TDRP: variants seen among roughly 807,000 people sequenced by gnomAD.
TDRP encodes testis development related protein, also known as testis development-related protein.
TDRP carries 12 observed loss-of-function variants against 10.5 expected under a neutral mutation model. The observed-to-expected ratio is 1.15, with a 90% confidence interval of 0.73 to 1.86. The LOEUF is 1.86. Ranked by LOEUF, TDRP falls within the 40% of genes most tolerant of loss-of-function variation. The pLI, the probability that TDRP is intolerant of heterozygous loss-of-function variation, is 0.00. For missense variants in TDRP, 353 were observed against 229.2 expected (o/e 1.54, Z -3.49); for synonymous variants, 139 against 95.4 (o/e 1.46, Z -2.67).
rs1261532848 is a variant in TDRP, at chr8:544,735, C to A, written c.23G>T (p.Arg8Leu). Residue 8 changes from arginine (R) to leucine (L), a missense_variant, in exon 1 of 3, where the codon CGA becomes CTA. By Grantham distance (102) the Arg-to-Leu change is moderately radical (BLOSUM62 -2). Coordinates refer to ENST00000324079, the MANE Select transcript of TDRP (RefSeq NM_001384899.1). Reference protein sequence around the residue: MWKLGRGRVLLDEPPEEE... With the variant: MWKLGRGLVLLDEPPEEE... ...CTCGGGGGGCTCGTCCAGCAGCACT[C>A]GGCCCCGGCCCAGCTTCCACATGGT... 9.7e-6 allele frequency: 12 copies of A among 1,239,934 alleles called. No homozygotes were observed. Among genetic ancestry groups the A allele is most frequent in the Non-Finnish European group, 1.1e-5 (11 of 990,582 alleles). 76.8% of individuals were successfully genotyped at this position (1,239,934 alleles called of 1,614,324 possible). A position where few individuals can be genotyped will look rare whatever the true frequency, so the allele number is the denominator to read the frequency against.
At chr8:514,077 T>G (rs1318959478) in intron 1 of TDRP, among the ~76,000 whole-genome samples, 3 of 152,170 alleles carry the variant, frequency 2.0e-5, no homozygotes, top group African/African-American at 7.2e-5. Context: ...TGATTCTTTG[T>G]AAAAACTGAT....
intron 1 of TDRP, among the ~76,000 whole-genome samples, chr8:496,638 T>G (rs1217092777): frequency 6.6e-6 from 1 of 152,086 alleles, no homozygotes; most frequent in African/African-American, 2.4e-5. Context: ...TGCCCACCCC[T>G]TCCTTTAAGC....
chr8:507,520 A>T (rs963479588), intron 1 of TDRP, among the ~76,000 whole-genome samples: 2 of 152,142 alleles, frequency 1.3e-5, no homozygotes, highest in African/African-American at 4.8e-5. Flanking sequence ...CAATTACTGG[A>T]ATTTAGCAGC....
chr8:496,824 G>C (rs1368104741), intron 1 of TDRP, among the ~76,000 whole-genome samples: 3 of 152,166 alleles, frequency 2.0e-5, no homozygotes, highest in Admixed American at 6.5e-5. Flanking sequence ...TTTCCTCTTG[G>C]TGTTCTCATG....
chr8:526,313 T>C (rs1802033911), intron 1 of TDRP, among the ~76,000 whole-genome samples: 2 of 152,166 alleles, frequency 1.3e-5, no homozygotes, highest in South Asian at 2.1e-4. Flanking sequence ...TTCTTTAAAA[T>C]GCACCACTGG....
intron 1 of TDRP, among the ~76,000 whole-genome samples, chr8:540,987 A>T (rs1427214651): frequency 6.6e-6 from 1 of 152,202 alleles, no homozygotes; most frequent in Non-Finnish European, 1.5e-5. Flanking sequence ...ATGAAACAGA[A>T]TTGAGAACTT....
rs776329080 is a variant in TDRP at position 490,700 on chromosome 8, T to G, written c.*1699A>C. ...TTATGACTATTTACCTGAGGAAACT[T>G]AGAATTTGTCAACTTAGCTGTTATA... On this transcript the variant is annotated 3_prime_UTR_variant, in exon 3 of 3. Transcript: ENST00000324079. The G allele has an allele frequency of 6.6e-6, 1 of 152,220 alleles. No individual in the cohort carries two copies. Among genetic ancestry groups the G allele is most frequent in the Admixed American group, 6.5e-5 (1 of 15,286 alleles). 9.4% of individuals were successfully genotyped at this position (152,220 alleles called of 1,614,324 possible). A position where few individuals can be genotyped will look rare whatever the true frequency, so the allele number is the denominator to read the frequency against.
At chr8:544,870 CGGGCGGGGCTAGGCGG>C (rs1802597512), upstream of TDRP, 4 of 770,814 alleles carry the variant, frequency 5.2e-6, no homozygotes, top group South Asian at 2.0e-4. Context: ...CCCAGTGGGC[CGGGCGGGGCTAGGCGG>C]GGGCGGGGCA....
In TDRP at chr8:512,208, G is replaced by A. The variant is rs182884023; in HGVS notation, c.109-17611C>T. Among the ~76,000 whole-genome samples, 69 of 151,930 alleles carry A rather than the reference G, an allele frequency of 4.5e-4. 2 individuals carry two copies. Among genetic ancestry groups the A allele is most frequent in the Middle Eastern group, 6.8e-3 (2 of 294 alleles). Reference sequence around the variant, plus strand: ...TGGAAGGCCACAGCAGGTGGATCACGAGGTGGAGACTGAGACCATCCTGGC... The same window carrying A: ...TGGAAGGCCACAGCAGGTGGATCACAAGGTGGAGACTGAGACCATCCTGGC... On this transcript the variant is annotated intron_variant, in intron 1 of 2. Transcript: ENST00000324079.
At chr8:537,228 G>A (rs551498828) in intron 1 of TDRP, among the ~76,000 whole-genome samples, 4 of 152,314 alleles carry the variant, frequency 2.6e-5, no homozygotes, top group South Asian at 4.1e-4. Flanking sequence ...ATACAGCACT[G>A]AGCATTCAGC....
Position 498,228 on chromosome 8 carries a change from C to G in TDRP, c.109-3631G>C, listed in dbSNP as rs1049174298. Among the ~76,000 whole-genome samples, 2 of 152,180 alleles carry G rather than the reference C, an allele frequency of 1.3e-5. 1 individual carries two copies. The highest frequency in any genetic ancestry group is 4.8e-5 in the African/African-American group (2 of 41,448). On this transcript the variant is annotated intron_variant, in intron 1 of 2. Coordinates refer to ENST00000324079, the MANE Select transcript of TDRP (RefSeq NM_001384899.1). Reference sequence around the variant, plus strand: ...TGCACCTGAAAAAGCCACAGGCACTCAATGCCAGCCCATGAAAGAAATCAA... The same window carrying G: ...TGCACCTGAAAAAGCCACAGGCACTGAATGCCAGCCCATGAAAGAAATCAA...
rs564705978 is a variant in TDRP, at chr8:523,805, G to A, written c.108+20845C>T. Among the ~76,000 whole-genome samples, 3 of 152,288 alleles carry A rather than the reference G, an allele frequency of 2.0e-5. No individual in the cohort carries two copies. In the East Asian group the frequency reaches 5.8e-4, roughly 29 times the overall value. On this transcript the variant is annotated intron_variant, in intron 1 of 2. Transcript: ENST00000324079. ...AGAATAGAGCACCAGGTTGATTCCTGAGGTTTCTGACTCCAGGCCCTGGCT... is the reference window on the plus strand; with the variant it reads ...AGAATAGAGCACCAGGTTGATTCCTAAGGTTTCTGACTCCAGGCCCTGGCT...
At chr8:502,370 G>C (rs566092434) in intron 1 of TDRP, among the ~76,000 whole-genome samples, 3 of 152,310 alleles carry the variant, frequency 2.0e-5, no homozygotes, top group African/African-American at 7.2e-5. Flanking sequence ...CCACAGGAAG[G>C]CCCGCAGCCG....
intron 1 of TDRP, among the ~76,000 whole-genome samples, chr8:538,885 C>T (rs150857877): frequency 6.1e-4 from 93 of 152,338 alleles, no homozygotes; most frequent in African/African-American, 2.2e-3. Context: ...GAAACATTCG[C>T]ATATGCTGCT....
intron 1 of TDRP, among the ~76,000 whole-genome samples, chr8:502,694 C>A (rs920536015): frequency 6.6e-6 from 1 of 151,972 alleles, no homozygotes; most frequent in Non-Finnish European, 1.5e-5. Context: ...ACACCGGAAC[C>A]CATGCCCACC....
chr8:510,892 T>G (rs1401952310), intron 1 of TDRP, among the ~76,000 whole-genome samples: 1 of 152,204 alleles, frequency 6.6e-6, no homozygotes, highest in Non-Finnish European at 1.5e-5. Context: ...TTGCATAGAA[T>G]AGGCATATAC....
At chr8:508,302 C>T (rs185136140) in intron 1 of TDRP, among the ~76,000 whole-genome samples, 3 of 152,276 alleles carry the variant, frequency 2.0e-5, no homozygotes, top group African/African-American at 7.2e-5. Context: ...TGAAGACAGA[C>T]TGCTACAGAT....
At position 492,361 on chromosome 8, in the gene TDRP, G is replaced by A. The variant is rs766006693; in HGVS notation, c.*38C>T. 1.2e-5 allele frequency: 17 copies of A among 1,456,582 alleles called. No individual in the cohort carries two copies. The East Asian group carries it at 3.7e-4, about 31-fold the overall frequency. 90.2% of individuals were successfully genotyped at this position (1,456,582 alleles called of 1,614,324 possible). A position where few individuals can be genotyped will look rare whatever the true frequency, so the allele number is the denominator to read the frequency against. ...ACAACTACATGGTATACTCATAAAAGGCCACCATGTCGGGGCACACTTGCC... is the reference window on the plus strand; with the variant it reads ...ACAACTACATGGTATACTCATAAAAAGCCACCATGTCGGGGCACACTTGCC... On this transcript the variant is annotated 3_prime_UTR_variant, in exon 3 of 3. Coordinates refer to ENST00000324079, the MANE Select transcript of TDRP (RefSeq NM_001384899.1).
At chr8:512,450 T>A (rs938318992) in intron 1 of TDRP, among the ~76,000 whole-genome samples, 2 of 150,956 alleles carry the variant, frequency 1.3e-5, no homozygotes, top group Non-Finnish European at 3.0e-5. Context: ...TAAAAAAAAA[T>A]CAGCAAAATT....
Sources: allele counts gnomAD v4.1 joint callset (sites outside exome capture counted in the v4.1 genomes callset), GRCh38; gene constraint gnomAD v4.1.1; transcripts MANE v1.5; gene names NCBI Gene and HGNC (gene_info 2026-07-23, HGNC 2026-07-21).